The following OCA2 variants were observed in gnomAD, a reference collection of about 807,000 sequenced individuals.
OCA2 encodes the protein OCA2 melanosomal transmembrane protein.
OCA2 carries 77 observed loss-of-function variants against 100.2 expected under a neutral mutation model. The observed-to-expected ratio is 0.77, with a 90% CI of 0.64 to 0.93. The LOEUF (loss-of-function observed/expected upper bound fraction) is 0.93, where lower values mean the gene tolerates loss of function less well. Among genes scored for constraint, OCA2 ranks in the 40% least tolerant of loss-of-function variants. OCA2 has a pLI of 0.00. For synonymous variants in OCA2, 432 were observed against 439.2 expected, an observed-to-expected ratio of 0.98 and a Z score of 0.21; for missense variants, 1,062 against 1,089.1, an observed-to-expected ratio of 0.98 and a Z score of 0.35.
the OCA2 span, among the ~76,000 whole-genome samples, chr15:27,741,539 C>T: frequency 6.6e-6 from 1 of 152,174 alleles, no homozygotes; most frequent in Admixed American, 6.5e-5. Context: ...GGACAGAATC[C>T]TGAGTACGGT....
chr15:28,014,746 A>G (rs750007210), intron 9 of OCA2, 30 bp downstream of exon 9: 2 of 1,607,406 alleles, frequency 1.2e-6, no homozygotes, highest in Admixed American at 3.3e-5. Flanking sequence ...GTGGGCCCAG[A>G]CAGATCGGGG....
At chr15:27,765,671 C>T (rs903671152) in intron 23 of OCA2, among the ~76,000 whole-genome samples, 6 of 152,212 alleles carry the variant, frequency 3.9e-5, no homozygotes, top group Non-Finnish European at 8.8e-5. Flanking sequence ...ACCAGACCTT[C>T]TCCCTTAACC....
intron 14 of OCA2, among the ~76,000 whole-genome samples, chr15:27,974,662 G>A (rs2140905967): frequency 6.6e-6 from 1 of 152,314 alleles, no homozygotes; most frequent in South Asian, 2.1e-4. Context: ...CAGCTACTCA[G>A]GAGGCTGAGG....
intron 23 of OCA2, among the ~76,000 whole-genome samples, chr15:27,763,262 A>T (rs2030986249): frequency 6.6e-6 from 1 of 152,218 alleles, no homozygotes; most frequent in Non-Finnish European, 1.5e-5. Context: ...CCATAAGAAA[A>T]AAAAATTGAT....
At chr15:28,024,421 G>T (rs150307360) in intron 5 of OCA2, among the ~76,000 whole-genome samples, 2 of 152,198 alleles carry the variant, frequency 1.3e-5, no homozygotes, top group Non-Finnish European at 2.9e-5. Flanking sequence ...AACACTTACC[G>T]CTGGGCAGAG....
At chr15:27,743,670 C>T in the OCA2 span, among the ~76,000 whole-genome samples, 1 of 152,334 alleles carries the variant, frequency 6.6e-6, no homozygotes, top group East Asian at 1.9e-4. Context: ...GCTGTCCTTA[C>T]ACCAGGAGCT....
intron 20 of OCA2, among the ~76,000 whole-genome samples, chr15:27,871,611 G>A (rs1477211311): frequency 6.6e-6 from 1 of 152,242 alleles, no homozygotes; most frequent in Non-Finnish European, 1.5e-5. Flanking sequence ...TGAGGCTGGT[G>A]TCAATCCCAC....
At chr15:27,975,318 T>G (rs967330924) in intron 14 of OCA2, among the ~76,000 whole-genome samples, 2 of 152,216 alleles carry the variant, frequency 1.3e-5, no homozygotes, top group Admixed American at 1.3e-4. Flanking sequence ...AGCCAAGTTC[T>G]AAAGAGTGTA....
chr15:27,775,957 TTAGTCCA>T (rs2032187037), intron 23 of OCA2, among the ~76,000 whole-genome samples: 1 of 152,246 alleles, frequency 6.6e-6, no homozygotes, highest in Non-Finnish European at 1.5e-5. Flanking sequence ...GGGACATGGT[TTAGTCCA>T]TAGCAATGTC....
chr15:27,816,899 C>T (rs2034324297), intron 23 of OCA2, among the ~76,000 whole-genome samples: 1 of 152,166 alleles, frequency 6.6e-6, no homozygotes, highest in Non-Finnish European at 1.5e-5. Flanking sequence ...CCCTCCGGAG[C>T]CACCCACTGC....
chr15:27,999,548 T>C (rs548974822), intron 9 of OCA2, among the ~76,000 whole-genome samples: 4 of 152,240 alleles, frequency 2.6e-5, no homozygotes, highest in Non-Finnish European at 1.5e-5. Context: ...TCTTCCAAGG[T>C]CAGGAACAAG....
At chr15:28,035,014 G>A (rs2043008756) in intron 2 of OCA2, among the ~76,000 whole-genome samples, 1 of 152,128 alleles carries the variant, frequency 6.6e-6, no homozygotes, top group East Asian at 1.9e-4. Context: ...TCCTTGGAAA[G>A]CATGACCCAT....
chr15:27,772,895 C>T (rs1032770056), intron 23 of OCA2, among the ~76,000 whole-genome samples: 3 of 150,846 alleles, frequency 2.0e-5, no homozygotes, highest in Non-Finnish European at 4.4e-5. Context: ...TCTAAGAATT[C>T]AATGCTCAGA....
At chr15:27,980,459 G>A (rs1461657745) in intron 14 of OCA2, among the ~76,000 whole-genome samples, 1 of 152,170 alleles carries the variant, frequency 6.6e-6, no homozygotes, top group Non-Finnish European at 1.5e-5. Flanking sequence ...ATTTCCCCAT[G>A]TAGTTACCCT....
chr15:27,797,900 TGGCCCTG>T (rs1419774621), intron 23 of OCA2, among the ~76,000 whole-genome samples: 1 of 152,158 alleles, frequency 6.6e-6, no homozygotes. Flanking sequence ...TCCTGAGTCC[TGGCCCTG>T]GCCTGCCTGC....
chr15:28,018,675 C>T (rs1232808985), intron 6 of OCA2, 118 bp from the exon 7 acceptor site: 5 of 966,460 alleles, frequency 5.2e-6, no homozygotes, highest in African/African-American at 4.8e-5. Context: ...CCCAGGTGCC[C>T]CACGCCCTTG....
intron 9 of OCA2, among the ~76,000 whole-genome samples, chr15:27,996,653 T>G (rs1407182993): frequency 6.6e-6 from 1 of 151,734 alleles, no homozygotes; most frequent in East Asian, 1.9e-4. Context: ...ACATTACAAC[T>G]GATATCATAA....
chr15:27,843,767 C>T (rs16950449), intron 23 of OCA2, among the ~76,000 whole-genome samples: 7,926 of 152,182 alleles, frequency 0.052, 271 homozygotes, highest in African/African-American at 0.091. Flanking sequence ...CAAAATCCAA[C>T]GTGCTAGTGT....
At chr15:27,932,542 C>T (rs1227243624) in intron 18 of OCA2, among the ~76,000 whole-genome samples, 1 of 152,154 alleles carries the variant, frequency 6.6e-6, no homozygotes, top group African/African-American at 2.4e-5. Context: ...TAGGGAAAGG[C>T]CCATGCTCAG....
Sources: allele counts gnomAD v4.1 joint callset (sites outside exome capture counted in the v4.1 genomes callset), GRCh38; gene constraint gnomAD v4.1.1; transcripts MANE v1.5; gene names NCBI Gene and HGNC (gene_info 2026-07-23, HGNC 2026-07-21).